HS2ST1: variants seen among roughly 807,000 people sequenced by gnomAD.
HS2ST1 encodes the protein heparan sulfate 2-O-sulfotransferase 1.
HS2ST1 carries 18 observed loss-of-function variants against 42.9 expected under a neutral mutation model. The observed-to-expected ratio is 0.42, with a 90% CI of 0.29 to 0.62. The LOEUF (loss-of-function observed/expected upper bound fraction) is 0.62, where lower values mean the gene tolerates loss of function less well. HS2ST1 is among the 20% of genes least tolerant of loss of function. HS2ST1 has a pLI of 0.21. For missense variants in HS2ST1, 334 were observed against 433.8 expected (o/e 0.77, Z 2.04); for synonymous variants, 146 against 152.9 (o/e 0.95, Z 0.33).
chr1:86,950,912 T>G (rs550810419), intron 1 of HS2ST1, among the ~76,000 whole-genome samples: 1 of 152,268 alleles, frequency 6.6e-6, no homozygotes, highest in South Asian at 2.1e-4. Flanking sequence ...CCTCCCTCTT[T>G]CCGGCTACAT....
chr1:86,944,591 G>A (rs557167175), intron 1 of HS2ST1, among the ~76,000 whole-genome samples: 1 of 152,244 alleles, frequency 6.6e-6, no homozygotes, highest in East Asian at 1.9e-4. Context: ...CTGACCTCAA[G>A]TGATCCACCA....
intron 6 of HS2ST1, 124 bp from the exon 7 acceptor site, chr1:87,104,346 A>G: frequency 1.5e-6 from 1 of 659,978 alleles, no homozygotes; most frequent in Non-Finnish European, 2.7e-6. Flanking sequence ...GAATTATATA[A>G]GACAATTATG....
chr1:86,917,293 C>T (rs997415141), intron 1 of HS2ST1, among the ~76,000 whole-genome samples: 2 of 152,070 alleles, frequency 1.3e-5, no homozygotes, highest in Non-Finnish European at 2.9e-5. Flanking sequence ...CCGAGGCCGG[C>T]GGATCATTTG....
intron 1 of HS2ST1, among the ~76,000 whole-genome samples, chr1:87,029,987 A>G (rs924226109): frequency 1.3e-5 from 2 of 152,184 alleles, no homozygotes; most frequent in Admixed American, 6.5e-5. Flanking sequence ...AAATTTGTAT[A>G]CAGTTTTCCT....
At position 87,104,451 on chromosome 1, in the gene HS2ST1, T is replaced by C. The variant is rs919017545; in HGVS notation, c.845-19T>C. 6.7e-7 allele frequency: 1 copy of C among 1,501,568 alleles called. No individual in the cohort carries two copies. The highest frequency in any genetic ancestry group is 1.4e-5 in the African/African-American group (1 of 71,864). 93.0% of individuals were successfully genotyped at this position (1,501,568 alleles called of 1,614,324 possible). A position where few individuals can be genotyped will look rare whatever the true frequency, so the allele number is the denominator to read the frequency against. ...CCAAGAATTATTTACCTTTCCTTTTTTTCCCCCTTTGTAAGTAGGAAAGAA... is the reference window on the plus strand; with the variant it reads ...CCAAGAATTATTTACCTTTCCTTTTCTTCCCCCTTTGTAAGTAGGAAAGAA... On this transcript the variant is annotated intron_variant, in intron 6 of 6. Transcript: ENST00000370550.
intron 1 of HS2ST1, among the ~76,000 whole-genome samples, chr1:86,960,145 A>G (rs1170169577): frequency 6.6e-6 from 1 of 151,828 alleles, no homozygotes; most frequent in Non-Finnish European, 1.5e-5. Context: ...TCCTTGACAA[A>G]GGAGCAGAGA....
At chr1:87,053,190 C>A (rs757347819) in intron 1 of HS2ST1, among the ~76,000 whole-genome samples, 30 of 152,178 alleles carry the variant, frequency 2.0e-4, no homozygotes, top group Non-Finnish European at 4.3e-4. Context: ...ATTCTTTTTA[C>A]TTACTAGTGA....
intron 1 of HS2ST1, among the ~76,000 whole-genome samples, chr1:87,002,014 G>A (rs1369410356): frequency 2.0e-5 from 3 of 151,600 alleles, no homozygotes; most frequent in Non-Finnish European, 4.4e-5. Flanking sequence ...CAGGGTTCAC[G>A]CCATTCTCCT....
At chr1:87,089,920 T>C (rs1192681376) in intron 3 of HS2ST1, among the ~76,000 whole-genome samples, 1 of 151,942 alleles carries the variant, frequency 6.6e-6, no homozygotes, top group Non-Finnish European at 1.5e-5. Flanking sequence ...GGAGGAAACA[T>C]TGGTAGGAGA....
At chr1:86,976,704 G>GTATATATATATATATATATATATATATA (rs147039703) in intron 1 of HS2ST1, among the ~76,000 whole-genome samples, 4,493 of 78,476 alleles carry the variant, frequency 0.057, 766 homozygotes, top group East Asian at 0.099. Flanking sequence ...TTATAAAATT[G>GTATATATATATATATATATATATATATA]TATATATATA....
intron 5 of HS2ST1, among the ~76,000 whole-genome samples, chr1:87,102,414 A>T (rs1393753762): frequency 6.6e-6 from 1 of 152,160 alleles, no homozygotes; most frequent in Non-Finnish European, 1.5e-5. Flanking sequence ...GAACTCAGTC[A>T]TCACCAAGGG....
intron 1 of HS2ST1, among the ~76,000 whole-genome samples, chr1:86,956,023 T>A (rs535825431): frequency 6.6e-6 from 1 of 152,308 alleles, no homozygotes; most frequent in Admixed American, 6.5e-5. Flanking sequence ...AAATAGTTGA[T>A]CTGCATATTC....
At chr1:86,929,691 A>G (rs1045608201) in intron 1 of HS2ST1, among the ~76,000 whole-genome samples, 3 of 151,806 alleles carry the variant, frequency 2.0e-5, no homozygotes, top group African/African-American at 7.2e-5. Flanking sequence ...TAAATTTTTA[A>G]AGGATTAATG....
At chr1:86,980,020 A>T (rs1171674126) in intron 1 of HS2ST1, among the ~76,000 whole-genome samples, 1 of 152,206 alleles carries the variant, frequency 6.6e-6, no homozygotes, top group African/African-American at 2.4e-5. Flanking sequence ...AATTACTTAG[A>T]TAAGGTATGG....
intron 1 of HS2ST1, among the ~76,000 whole-genome samples, chr1:87,036,751 GCA>G (rs1458943319): frequency 6.6e-6 from 1 of 152,056 alleles, no homozygotes; most frequent in African/African-American, 2.4e-5. Context: ...TGTCAACATT[GCA>G]CACTCTTTGA....
intron 1 of HS2ST1, among the ~76,000 whole-genome samples, chr1:87,031,092 C>T (rs767158941): frequency 8.2e-4 from 124 of 151,966 alleles, no homozygotes; most frequent in Non-Finnish European, 1.2e-3. Context: ...GACTCACGCC[C>T]CCACACCCAG....
intron 1 of HS2ST1, among the ~76,000 whole-genome samples, chr1:87,000,196 G>A (rs1557510581): frequency 6.6e-6 from 1 of 151,906 alleles, no homozygotes; most frequent in Non-Finnish European, 1.5e-5. Flanking sequence ...TACATAAGAA[G>A]TGGACTTAAA....
chr1:87,007,414 T>C lies in HS2ST1; in HGVS notation c.125-65520T>C, dbSNP rs573356912. On this transcript the variant is annotated intron_variant, in intron 1 of 6. Transcript: ENST00000370550. ...GTAGCTCCTGCCACCATTTCTACAA[T>C]GGTGGGAATACCTAGAGGCATGGCC... 1.1e-4 allele frequency among the ~76,000 whole-genome samples: 16 copies of C among 152,150 alleles called. No individual in the cohort carries two copies. The South Asian group carries it at 3.3e-3, about 32-fold the overall frequency.
intron 5 of HS2ST1, chr1:87,098,335 T>TA (rs1158125879): frequency 7.3e-5 from 72 of 986,930 alleles, no homozygotes; most frequent in Non-Finnish European, 8.7e-5. Flanking sequence ...GTTTTACTGT[T>TA]AAACTGATTT....
Sources: gnomAD v4.1 joint callset for allele counts (sites outside exome capture counted in the v4.1 genomes callset) on GRCh38, gnomAD v4.1.1 for gene constraint, MANE v1.5 for transcripts, NCBI Gene and HGNC (gene_info 2026-07-23, HGNC 2026-07-21) for gene names.